The following EYA1 variants were observed in gnomAD, a reference collection of about 807,000 sequenced individuals.
EYA1 encodes the protein protein phosphatase EYA1.
A neutral mutation model predicts 82.0 loss-of-function variants in EYA1; 16 were observed. The ratio of observed to expected loss-of-function variants is 0.20; its 90% CI spans 0.13 to 0.30. The LOEUF is 0.30. EYA1 is among the 10% of genes least tolerant of loss of function. EYA1 has a pLI of 1.00. For synonymous variants in EYA1, 261 were observed against 264.4 expected (o/e 0.99, Z 0.12); for missense variants, 633 against 730.7 (o/e 0.87, Z 1.54).
intron 1 of EYA1, among the ~76,000 whole-genome samples, chr8:71,360,921 C>T (rs1382069536): frequency 6.6e-6 from 1 of 152,162 alleles, no homozygotes; most frequent in Non-Finnish European, 1.5e-5. Context: ...ACCCATGAGT[C>T]ATTAACAATT....
At chr8:71,346,705 T>A (rs1825780572) in intron 3 of EYA1, among the ~76,000 whole-genome samples, 2 of 152,096 alleles carry the variant, frequency 1.3e-5, no homozygotes, top group Non-Finnish European at 2.9e-5. Flanking sequence ...TAGATCAAAT[T>A]CAAAACAGGC....
chr8:71,240,828 A>C (rs1585945821), intron 12 of EYA1, among the ~76,000 whole-genome samples: 1 of 152,254 alleles, frequency 6.6e-6, no homozygotes, highest in African/African-American at 2.4e-5. Flanking sequence ...ATATTATCGT[A>C]TGCTGAAGGC....
rs1162510966 is a variant in EYA1, at chr8:71,197,623, A to G, written c.*1717T>C. The G allele has an allele frequency of 6.5e-6, 1 of 152,696 alleles. No homozygotes were observed. Among genetic ancestry groups the G allele is most frequent in the Non-Finnish European group, 1.5e-5 (1 of 68,046 alleles). The allele number at this position is 152,696 out of a possible 1,614,324, so 9.5% of individuals were successfully genotyped here. A position where few individuals can be genotyped will look rare whatever the true frequency, so the allele number is the denominator to read the frequency against. Reference sequence around the variant, plus strand: ...TGTCAACTGTTTGCTTCAAGCAAAAAGGAAGAAAAAACTAATTCAATTGTG... The same window carrying G: ...TGTCAACTGTTTGCTTCAAGCAAAAGGGAAGAAAAAACTAATTCAATTGTG... On this transcript the variant is annotated 3_prime_UTR_variant, in exon 18 of 18. Coordinates refer to ENST00000340726, the MANE Select transcript of EYA1 (RefSeq NM_000503.6).
intron 12 of EYA1, among the ~76,000 whole-genome samples, chr8:71,232,944 C>T (rs142906351): frequency 3.4e-3 from 524 of 152,262 alleles, no homozygotes; most frequent in Non-Finnish European, 6.2e-3. Context: ...TTTTAACTCA[C>T]GCAATTCTCA....
At chr8:71,243,042 C>T (rs568186147) in intron 12 of EYA1, among the ~76,000 whole-genome samples, 2 of 152,046 alleles carry the variant, frequency 1.3e-5, no homozygotes, top group South Asian at 2.1e-4. Context: ...CCTCCCAAAG[C>T]GCTGGGATTA....
At chr8:71,223,895 C>G (rs560536234) in intron 12 of EYA1, among the ~76,000 whole-genome samples, 25 of 152,280 alleles carry the variant, frequency 1.6e-4, no homozygotes, top group African/African-American at 6.0e-4. Context: ...AGTAGTTGTA[C>G]TTTCCCCCCA....
rs75677701 is a variant in EYA1 at position 71,541,020 on chromosome 8, T to C, written c.-72-5172A>G. Among the ~76,000 whole-genome samples the C allele has an allele frequency of 9.8e-4, 149 of 152,332 alleles. 1 individual carries two copies. Among genetic ancestry groups the C allele is most frequent in the African/African-American group, 3.5e-3 (144 of 41,570 alleles). ...GGATAAATGACCTCCAGAGCCCTAC[T>C]CAACTCACTACTTCATGGCTCCAGA... is the stretch of plus-strand genomic sequence containing the variant. On this transcript the variant is annotated intron_variant, in intron 1 of 18. Coordinates refer to the EYA1 transcript ENST00000643681.
chr8:71,197,692 G>GCAA lies in EYA1; in HGVS notation c.*1645_*1647dup, dbSNP rs1457396277. 1 of 152,642 alleles carries GCAA rather than the reference G, an allele frequency of 6.6e-6. No individual in the cohort carries two copies. The highest frequency in any genetic ancestry group is 1.5e-5 in the Non-Finnish European group (1 of 68,044). 9.5% of individuals were successfully genotyped at this position (152,642 alleles called of 1,614,324 possible). ...AATTCACAAATGACTATTTCTAGCA[G>GCAA]CAACACACAACTTCAGAAAAGAATG... is the stretch of plus-strand genomic sequence containing the variant. On this transcript the variant is annotated 3_prime_UTR_variant, in exon 18 of 18. Transcript: ENST00000340726.
chr8:71,526,596 A>T (rs1813833564), intron 2 of EYA1, among the ~76,000 whole-genome samples: 1 of 152,296 alleles, frequency 6.6e-6, no homozygotes, highest in Middle Eastern at 3.4e-3. Flanking sequence ...GCTCACTCCC[A>T]TGGTTGTTGT....
chr8:71,216,717 G>A lies in EYA1; in HGVS notation c.1335C>T (p.Tyr445=). The A allele has an allele frequency of 3.1e-6, 5 of 1,614,106 alleles. No homozygotes were observed. The highest frequency in any genetic ancestry group is 4.2e-6 in the Non-Finnish European group (5 of 1,179,976). The change falls in exon 14 of 18, where the codon TAC becomes TAT. Residue 445 remains tyrosine (Y), a synonymous_variant. Transcript: ENST00000340726. The part of the protein sequence containing the change: ...AFRYRRVKEI[Y]NTYKNNVGGL... ...CTCCAACATTATTTTTGTAGGTGTTGTAGATCTCTTTTACCCGTCTGTAGC... is the reference window on the plus strand; with the variant it reads ...CTCCAACATTATTTTTGTAGGTGTTATAGATCTCTTTTACCCGTCTGTAGC...
At chr8:71,415,273 G>A (rs571740443) in intron 2 of EYA1, among the ~76,000 whole-genome samples, 12 of 152,286 alleles carry the variant, frequency 7.9e-5, no homozygotes, top group African/African-American at 2.9e-4. Flanking sequence ...TTGGATATGA[G>A]AAACTAATCT....
intron 12 of EYA1, among the ~76,000 whole-genome samples, chr8:71,236,571 G>C (rs554979090): frequency 6.6e-6 from 1 of 152,152 alleles, no homozygotes; most frequent in Admixed American, 6.5e-5. Context: ...AAAACCATGG[G>C]GGGTGGGTAT....
chr8:71,264,700 T>C (rs1335457894), intron 11 of EYA1, among the ~76,000 whole-genome samples: 2 of 151,552 alleles, frequency 1.3e-5, no homozygotes, highest in Non-Finnish European at 2.9e-5. Flanking sequence ...ACCTCAGCCC[T>C]CCCAAGCAGC....
At chr8:71,263,061 G>A (rs536712996) in intron 11 of EYA1, among the ~76,000 whole-genome samples, 1 of 152,308 alleles carries the variant, frequency 6.6e-6, no homozygotes, top group East Asian at 1.9e-4. Context: ...GCTGCAAGGT[G>A]GGTTGAAAGT....
chr8:71,277,115 ATTTTTTTTTTT>A (rs9298167), intron 9 of EYA1, among the ~76,000 whole-genome samples: 4 of 76,946 alleles, frequency 5.2e-5, no homozygotes, highest in Admixed American at 3.7e-4. Flanking sequence ...GGCTTCACAC[ATTTTTTTTTTT>A]TTTTTTTTTT....
At chr8:71,259,959 T>G (rs1814899453) in intron 11 of EYA1, among the ~76,000 whole-genome samples, 1 of 152,188 alleles carries the variant, frequency 6.6e-6, no homozygotes, top group Non-Finnish European at 1.5e-5. Flanking sequence ...TTAGATCTGA[T>G]GTCATCTAAG....
intron 3 of EYA1, 87 bp downstream of exon 3, chr8:71,354,695 C>T (rs1412967128): frequency 1.5e-6 from 2 of 1,331,708 alleles, no homozygotes; most frequent in African/African-American, 1.5e-5. Flanking sequence ...ATGATTTTGA[C>T]AACTGAAATC....
intron 3 of EYA1, among the ~76,000 whole-genome samples, chr8:71,335,279 A>C (rs1272579148): frequency 6.6e-6 from 1 of 152,164 alleles, no homozygotes; most frequent in African/African-American, 2.4e-5. Flanking sequence ...AAGATGATGG[A>C]GAAAATGCAG....
At chr8:71,310,046 C>G (rs1821165574) in intron 7 of EYA1, among the ~76,000 whole-genome samples, 1 of 152,148 alleles carries the variant, frequency 6.6e-6, no homozygotes, top group South Asian at 2.1e-4. Flanking sequence ...TCTATCATGG[C>G]AGATCCTGAC....
Sources: gnomAD v4.1 joint callset for allele counts (sites outside exome capture counted in the v4.1 genomes callset) on GRCh38, gnomAD v4.1.1 for gene constraint, MANE v1.5 for transcripts, NCBI Gene and HGNC (gene_info 2026-07-23, HGNC 2026-07-21) for gene names.